Variants in CHSY3 observed in about 807,000 individuals in gnomAD.
CHSY3 encodes the protein N-acetylgalactosaminyl-proteoglycan 3-beta-glucuronosyltransferase 3.
In CHSY3, 35 loss-of-function variants were observed where a neutral mutation model predicts 67.2. The ratio of observed to expected loss-of-function variants is 0.52; its 90% CI spans 0.40 to 0.69. The LOEUF (loss-of-function observed/expected upper bound fraction) is 0.69, where lower values mean the gene tolerates loss of function less well. CHSY3 is among the 30% of genes least tolerant of loss of function. The pLI is 0.00. For missense variants in CHSY3, 1,069 were observed against 1,138.5 expected (o/e 0.94, Z 0.88); for synonymous variants, 474 against 434.7 (o/e 1.09, Z -1.12).
intron 2 of CHSY3, among the ~76,000 whole-genome samples, chr5:130,047,941 A>G (rs974309267): frequency 2.0e-5 from 3 of 147,598 alleles, no homozygotes; most frequent in African/African-American, 8.0e-5. Context: ...TAGGAGTATC[A>G]ACCTTTTTTT....
intron 2 of CHSY3, among the ~76,000 whole-genome samples, chr5:129,979,458 T>A (rs1476186979): frequency 6.6e-6 from 1 of 152,078 alleles, no homozygotes; most frequent in Non-Finnish European, 1.5e-5. Context: ...CCTTTTTTTT[T>A]AAAGACTATT....
In CHSY3 at chr5:130,006,923, T is replaced by C. The variant is rs1485903078; in HGVS notation, c.1086+98563T>C. Among the ~76,000 whole-genome samples, 5 of 152,182 alleles carry C rather than the reference T, an allele frequency of 3.3e-5. No individual in the cohort carries two copies. The South Asian group carries it at 8.3e-4, about 25-fold the overall frequency. On this transcript the variant is annotated intron_variant, in intron 2 of 2. Transcript: ENST00000305031. ...TGAAGAAACTAGATATTGGTGTCTG[T>C]CAGACATTATGCCACACTACCTCGG... is the stretch of plus-strand genomic sequence containing the variant.
At chr5:130,022,134 T>C (rs1007590784) in intron 2 of CHSY3, among the ~76,000 whole-genome samples, 1 of 152,086 alleles carries the variant, frequency 6.6e-6, no homozygotes, top group African/African-American at 2.4e-5. Flanking sequence ...ATTTACAGTA[T>C]TAATGTAGAA....
Position 130,057,889 on chromosome 5 carries a change from A to G in CHSY3, c.1087-126340A>G, listed in dbSNP as rs1389623933. ...TCCCTTATACTGCCTATGTCAACACATACATGCACACAGAGAGAGAGAGAG... is the reference window on the plus strand; with the variant it reads ...TCCCTTATACTGCCTATGTCAACACGTACATGCACACAGAGAGAGAGAGAG... On this transcript the variant is annotated intron_variant, in intron 2 of 2. Transcript: ENST00000305031. Among the ~76,000 whole-genome samples, 7 of 151,526 alleles carry G rather than the reference A, an allele frequency of 4.6e-5. No individual in the cohort carries two copies. In the South Asian group the frequency reaches 8.3e-4, roughly 18 times the overall value.
chr5:129,905,468 C>A lies in CHSY3; in HGVS notation c.639C>A (p.Asn213Lys), dbSNP rs969106194. 7.4e-6 allele frequency: 12 copies of A among 1,612,702 alleles called. No homozygotes were observed. In the African/African-American group the frequency reaches 8.0e-5, roughly 11 times the overall value. ...TCTTTTCCAGCCAGCAGCCCCCCAA[C>A]GCCGGCCAGCCCCCGCCACCCCTGC... ...VEFFSSQQPP[N>K]AGQPPPPLPV... Residue 213 changes from asparagine to lysine, a missense_variant, in exon 1 of 3, where the codon AAC becomes AAA. Physicochemically the swap from Asn to Lys is moderately conservative, Grantham distance 94. Coordinates refer to ENST00000305031, the MANE Select transcript of CHSY3 (RefSeq NM_175856.5).
intron 2 of CHSY3, among the ~76,000 whole-genome samples, chr5:129,959,181 A>G (rs1762261892): frequency 6.6e-6 from 1 of 152,060 alleles, no homozygotes; most frequent in East Asian, 1.9e-4. Context: ...CCTGAATAAG[A>G]TTTGAATTTT....
At chr5:129,988,867 C>T (rs1220623263) in intron 2 of CHSY3, among the ~76,000 whole-genome samples, 1 of 152,086 alleles carries the variant, frequency 6.6e-6, no homozygotes, top group Non-Finnish European at 1.5e-5. Context: ...TGAGAAGGAC[C>T]TTAAAACCTG....
chr5:129,942,105 C>G (rs1761717711), intron 2 of CHSY3, among the ~76,000 whole-genome samples: 1 of 152,050 alleles, frequency 6.6e-6, no homozygotes, highest in African/African-American at 2.4e-5. Context: ...TGGGGAGGAT[C>G]ATAAAATCTA....
intron 2 of CHSY3, among the ~76,000 whole-genome samples, chr5:129,972,748 G>T (rs541091546): frequency 6.6e-6 from 1 of 152,152 alleles, no homozygotes; most frequent in South Asian, 2.1e-4. Flanking sequence ...TAATAGGCAA[G>T]AAATGAGTGG....
intron 2 of CHSY3, among the ~76,000 whole-genome samples, chr5:130,153,333 G>A (rs988141503): frequency 5.9e-5 from 9 of 151,534 alleles, no homozygotes; most frequent in African/African-American, 2.2e-4. Flanking sequence ...TTCACCAACT[G>A]CTTAAAACTA....
intron 2 of CHSY3, among the ~76,000 whole-genome samples, chr5:130,081,220 T>A (rs1414051713): frequency 6.6e-6 from 1 of 152,056 alleles, no homozygotes; most frequent in Non-Finnish European, 1.5e-5. Flanking sequence ...TTCTTCCTTG[T>A]TGGATCTGGA....
At position 130,119,037 on chromosome 5, in the gene CHSY3, T is replaced by C. The variant is rs376812476; in HGVS notation, c.1087-65192T>C. ...ATGAAAGGGAACACTGTTAATGACT[T>C]AGAGGCAAAGGATATAAACAAACAC... On this transcript the variant is annotated intron_variant, in intron 2 of 2. Coordinates refer to ENST00000305031, the MANE Select transcript of CHSY3 (RefSeq NM_175856.5). Among the ~76,000 whole-genome samples, 3 of 152,264 alleles carry C rather than the reference T, an allele frequency of 2.0e-5. No individual in the cohort carries two copies. In the East Asian group the frequency reaches 5.8e-4, roughly 29 times the overall value.
chr5:130,113,015 G>A (rs2149704877), intron 2 of CHSY3, among the ~76,000 whole-genome samples: 1 of 152,124 alleles, frequency 6.6e-6, no homozygotes, highest in Middle Eastern at 3.4e-3. Context: ...TTTTAAGATA[G>A]TACTATTAAT....
At chr5:130,118,261 T>C (rs1347188927) in intron 2 of CHSY3, among the ~76,000 whole-genome samples, 1 of 152,224 alleles carries the variant, frequency 6.6e-6, no homozygotes, top group Non-Finnish European at 1.5e-5. Flanking sequence ...AGAGAATTAG[T>C]AACTAATATT....
intron 2 of CHSY3, among the ~76,000 whole-genome samples, chr5:130,057,062 T>A (rs982166149): frequency 3.3e-5 from 5 of 151,064 alleles, no homozygotes; most frequent in Middle Eastern, 3.4e-3. Flanking sequence ...TAGCTGGGAC[T>A]ACAGGCGCCC....
intron 2 of CHSY3, among the ~76,000 whole-genome samples, chr5:130,116,606 G>T (rs1338330819): frequency 6.6e-6 from 1 of 152,170 alleles, no homozygotes; most frequent in East Asian, 1.9e-4. Flanking sequence ...CGTCGTGGGT[G>T]CCAAGTGGAG....
intron 2 of CHSY3, among the ~76,000 whole-genome samples, chr5:130,019,678 C>G (rs966954245): frequency 6.6e-6 from 1 of 152,208 alleles, no homozygotes; most frequent in African/African-American, 2.4e-5. Flanking sequence ...TTAGTTTTTA[C>G]AACTACAATT....
chr5:130,161,874 A>G (rs1326823992), intron 2 of CHSY3, among the ~76,000 whole-genome samples: 2 of 151,866 alleles, frequency 1.3e-5, no homozygotes, highest in African/African-American at 4.8e-5. Flanking sequence ...CCCTGTCTCT[A>G]CTGAAAATAT....
Position 130,014,165 on chromosome 5 carries a change from T to A in CHSY3, c.1086+105805T>A, listed in dbSNP as rs1416285737. ...CTATCAGCATTTTGGTCAAAGCCATTCAAAAAGTGTCTAGGAAGTTCCAAC... is the reference window on the plus strand; with the variant it reads ...CTATCAGCATTTTGGTCAAAGCCATACAAAAAGTGTCTAGGAAGTTCCAAC... On this transcript the variant is annotated intron_variant, in intron 2 of 2. Coordinates refer to ENST00000305031, the MANE Select transcript of CHSY3 (RefSeq NM_175856.5). Among the ~76,000 whole-genome samples, 5 of 152,184 alleles carry A rather than the reference T, an allele frequency of 3.3e-5. 1 individual carries two copies. Among genetic ancestry groups the A allele is most frequent in the Non-Finnish European group, 7.3e-5 (5 of 68,036 alleles).
Sources: allele counts gnomAD v4.1 joint callset (sites outside exome capture counted in the v4.1 genomes callset), GRCh38; gene constraint gnomAD v4.1.1; transcripts MANE v1.5; gene names NCBI Gene and HGNC (gene_info 2026-07-23, HGNC 2026-07-21).